SLC24A2: variants seen among roughly 807,000 people sequenced by gnomAD.
SLC24A2 encodes the protein solute carrier family 24 member 2.
In SLC24A2, 36 loss-of-function variants were observed where a neutral mutation model predicts 62.0. The observed-to-expected ratio is 0.58, with a 90% confidence interval of 0.44 to 0.77. SLC24A2 has a LOEUF of 0.77. Among genes scored for constraint, SLC24A2 ranks in the 30% least tolerant of loss-of-function variants. The probability of loss-of-function intolerance (pLI) is 0.00; values close to 1 mark genes in which losing one functional copy is unlikely to be tolerated. For synonymous variants in SLC24A2, 358 were observed against 294.0 expected (o/e 1.22, Z -2.23); for missense variants, 846 against 817.9 (o/e 1.03, Z -0.42).
At chr9:20,283,516 AT>A in the SLC24A2 span, among the ~76,000 whole-genome samples, 1 of 152,190 alleles carries the variant, frequency 6.6e-6, no homozygotes, top group African/African-American at 2.4e-5. Flanking sequence ...AGAGACTCGA[AT>A]TACCCCGAGT....
At chr9:20,145,886 A>G in the SLC24A2 span, among the ~76,000 whole-genome samples, 1 of 151,614 alleles carries the variant, frequency 6.6e-6, no homozygotes. Flanking sequence ...ATATAGATAT[A>G]AAATTTGTTT....
chr9:19,718,038 G>A (rs1038472194), intron 2 of SLC24A2, among the ~76,000 whole-genome samples: 2 of 148,878 alleles, frequency 1.3e-5, no homozygotes, highest in East Asian at 2.0e-4. Context: ...GTGCAGTGGC[G>A]CAATCTCAGC....
At chr9:19,600,950 G>A (rs28363803) in intron 4 of SLC24A2, among the ~76,000 whole-genome samples, 2,888 of 152,228 alleles carry the variant, frequency 0.019, 85 homozygotes, top group African/African-American at 0.065. Flanking sequence ...CCTTTTATGA[G>A]TATTGTTTTG....
intron 2 of SLC24A2, among the ~76,000 whole-genome samples, chr9:19,770,497 C>G (rs944520672): frequency 6.6e-6 from 1 of 152,108 alleles, no homozygotes; most frequent in Non-Finnish European, 1.5e-5. Context: ...CTACTTGTCA[C>G]AGTCTCTTCA....
Position 19,630,505 on chromosome 9 carries a change from A to G in SLC24A2, c.931-8206T>C, listed in dbSNP as rs1818150298. 2.0e-5 allele frequency among the ~76,000 whole-genome samples: 3 copies of G among 152,158 alleles called. No individual in the cohort carries two copies. In the South Asian group the frequency reaches 6.2e-4, roughly 32 times the overall value. On this transcript the variant is annotated intron_variant, in intron 2 of 10. Coordinates refer to ENST00000341998, the MANE Select transcript of SLC24A2 (RefSeq NM_020344.4). ...CCCACAATTTGAATGTAATATAGTG[A>G]TTTTTATACGTATAACTTTTCATAT...
chr9:19,577,612 C>T (rs1267047939), intron 5 of SLC24A2, among the ~76,000 whole-genome samples: 2 of 152,082 alleles, frequency 1.3e-5, no homozygotes, highest in Non-Finnish European at 2.9e-5. Flanking sequence ...TTAGCTGAGT[C>T]AGCTGCAATT....
intron 2 of SLC24A2, among the ~76,000 whole-genome samples, chr9:19,691,523 T>C (rs544412053): frequency 6.6e-6 from 1 of 152,266 alleles, no homozygotes; most frequent in South Asian, 2.1e-4. Flanking sequence ...GGTTTTGCCA[T>C]AGCTGGGTTC....
At chr9:20,076,863 A>G in the SLC24A2 span, among the ~76,000 whole-genome samples, 58 of 47,384 alleles carry the variant, frequency 1.2e-3, no homozygotes, top group East Asian at 5.6e-3. Flanking sequence ...TATCATATGT[A>G]TATATATATA....
chr9:19,936,783 A>T, the SLC24A2 span, among the ~76,000 whole-genome samples: 1 of 152,302 alleles, frequency 6.6e-6, no homozygotes, highest in East Asian at 1.9e-4. Context: ...GTGTCTAGAG[A>T]TATTATCTCA....
At chr9:19,561,707 GGCGTGAGCCACT>G (rs1835413314) in intron 7 of SLC24A2, among the ~76,000 whole-genome samples, 1 of 152,144 alleles carries the variant, frequency 6.6e-6, no homozygotes, top group Non-Finnish European at 1.5e-5. Flanking sequence ...TGGGATTACA[GGCGTGAGCCACT>G]GCTCCTGGCC....
chr9:19,912,398 C>T, the SLC24A2 span, among the ~76,000 whole-genome samples: 2 of 152,094 alleles, frequency 1.3e-5, no homozygotes. Context: ...ATCCCATTGG[C>T]AGGGATTTAA....
chr9:20,094,468 G>A, the SLC24A2 span, among the ~76,000 whole-genome samples: 2 of 152,246 alleles, frequency 1.3e-5, no homozygotes, highest in African/African-American at 2.4e-5. Context: ...CAGAATTTTG[G>A]AAAACTATTA....
chr9:20,216,515 G>C, the SLC24A2 span, among the ~76,000 whole-genome samples: 2 of 152,136 alleles, frequency 1.3e-5, no homozygotes, highest in Admixed American at 6.6e-5. Context: ...AGATGTTTCT[G>C]TTAAAGTGTC....
the SLC24A2 span, among the ~76,000 whole-genome samples, chr9:19,961,395 A>G: frequency 2.0e-5 from 3 of 152,194 alleles, no homozygotes; most frequent in Non-Finnish European, 2.9e-5. Flanking sequence ...ACAAAACCCA[A>G]TCTTTGGCAT....
chr9:20,168,906 G>T, the SLC24A2 span, among the ~76,000 whole-genome samples: 6 of 151,980 alleles, frequency 3.9e-5, no homozygotes, highest in Non-Finnish European at 8.8e-5. Flanking sequence ...GTTCGCCAAT[G>T]TTCATACCAG....
chr9:19,977,527 G>T, the SLC24A2 span, among the ~76,000 whole-genome samples: 1 of 152,040 alleles, frequency 6.6e-6, no homozygotes, highest in African/African-American at 2.4e-5. Flanking sequence ...TGAAGAGATA[G>T]GTACAAGTTC....
chr9:20,012,388 A>G, the SLC24A2 span, among the ~76,000 whole-genome samples: 1 of 152,178 alleles, frequency 6.6e-6, no homozygotes, highest in Non-Finnish European at 1.5e-5. Context: ...ACAGCGCAGG[A>G]AAGACCTGCC....
the SLC24A2 span, among the ~76,000 whole-genome samples, chr9:20,282,813 T>C: frequency 6.6e-6 from 1 of 152,240 alleles, no homozygotes; most frequent in African/African-American, 2.4e-5. Flanking sequence ...TACACTGTAA[T>C]ATTTAAACCA....
chr9:19,735,352 A>G (rs1424908102), intron 2 of SLC24A2, among the ~76,000 whole-genome samples: 4 of 152,072 alleles, frequency 2.6e-5, no homozygotes, highest in Non-Finnish European at 5.9e-5. Flanking sequence ...AAAAGTCAGG[A>G]AACAACAGGT....
Sources: allele counts gnomAD v4.1 joint callset (sites outside exome capture counted in the v4.1 genomes callset), GRCh38; gene constraint gnomAD v4.1.1; transcripts MANE v1.5; gene names NCBI Gene and HGNC (gene_info 2026-07-23, HGNC 2026-07-21).